MRPS18A: variants seen among roughly 807,000 people sequenced by gnomAD.
MRPS18A encodes large ribosomal subunit protein mL66.
A neutral mutation model predicts 22.7 loss-of-function variants in MRPS18A; 20 were observed. The ratio of observed to expected loss-of-function variants is 0.88; its 90% confidence interval spans 0.62 to 1.28. The LOEUF is 1.28. Among genes scored for constraint, MRPS18A ranks in the 50% most tolerant of loss-of-function variants. The pLI is 0.00. For missense variants in MRPS18A, 294 were observed against 262.6 expected (o/e 1.12, Z -0.83); for synonymous variants, 106 against 99.1 (o/e 1.07, Z -0.41).
At chr6:43,679,317 A>G (rs987007066) in intron 2 of MRPS18A, among the ~76,000 whole-genome samples, 9 of 152,238 alleles carry the variant, frequency 5.9e-5, no homozygotes, top group Admixed American at 4.6e-4. Context: ...TGCCAGGAAT[A>G]GCAAGGCTGA....
At chr6:43,683,447 G>T (rs1176419553) in intron 1 of MRPS18A, among the ~76,000 whole-genome samples, 2 of 152,128 alleles carry the variant, frequency 1.3e-5, no homozygotes, top group Admixed American at 6.6e-5. Context: ...AAATAGTATT[G>T]ATTTACAGGG....
intron 4 of MRPS18A, 55 bp downstream of exon 4, chr6:43,675,439 G>A: frequency 1.2e-6 from 2 of 1,613,740 alleles, no homozygotes; most frequent in Non-Finnish European, 8.5e-7. Flanking sequence ...GGGCAGCTGG[G>A]TGGGGAGAGA....
At position 43,675,298 on chromosome 6, in the gene MRPS18A, C is replaced by CT. The variant is rs567137815; in HGVS notation, c.377-28dup. 4.6e-5 allele frequency: 71 copies of CT among 1,544,156 alleles called. No individual in the cohort carries two copies. In the Middle Eastern group the frequency reaches 2.1e-3, roughly 46 times the overall value. ...TGAGTGGCGGGGAAGAGGGGATAGT[C>CT]TTTGCAGCTCCCTCTGCAGCTCTGA... On this transcript the variant is annotated intron_variant, in intron 4 of 5. Coordinates refer to ENST00000372133, the MANE Select transcript of MRPS18A (RefSeq NM_018135.4).
intron 5 of MRPS18A, 89 bp from the exon 6 acceptor site, chr6:43,671,995 C>CA: frequency 7.2e-7 from 1 of 1,397,348 alleles, no homozygotes. Context: ...CAGGCCAGGC[C>CA]ACGGTTGGGC....
intron 1 of MRPS18A, among the ~76,000 whole-genome samples, chr6:43,684,476 A>G (rs1263883595): frequency 2.6e-5 from 4 of 152,154 alleles, no homozygotes; most frequent in African/African-American, 7.2e-5. Flanking sequence ...CCTCCAGTTC[A>G]TCTTTAACTC....
chr6:43,675,727 C>T, intron 3 of MRPS18A, 110 bp from the exon 4 acceptor site: 1 of 1,285,424 alleles, frequency 7.8e-7, no homozygotes, highest in Non-Finnish European at 1.1e-6. Context: ...GGGAACCTAG[C>T]TGAGATCACT....
At chr6:43,685,288 C>T (rs1454352510) in intron 1 of MRPS18A, among the ~76,000 whole-genome samples, 2 of 152,188 alleles carry the variant, frequency 1.3e-5, no homozygotes, top group African/African-American at 4.8e-5. Flanking sequence ...TTTCTATTTT[C>T]GTCCTCCTTC....
At position 43,673,767 on chromosome 6, in the gene MRPS18A, A is replaced by G. The variant is rs963676376; in HGVS notation, c.446+1435T>C. Among the ~76,000 whole-genome samples, 15 of 152,132 alleles carry G rather than the reference A, an allele frequency of 9.9e-5. No individual in the cohort carries two copies. Among genetic ancestry groups the G allele is most frequent in the Admixed American group, 9.2e-4 (14 of 15,284 alleles). On this transcript the variant is annotated intron_variant, in intron 5 of 5. Transcript: ENST00000372133. The surrounding 1 kb of genome is among the most constrained non-coding windows in gnomAD (Gnocchi z 4.2). ...CTGGGCCCATGCATGGCAGCATTAA[A>G]CGAGACTCCCCTGCAAGGGAATCCA...
chr6:43,676,910 A>G (rs1774085772), intron 3 of MRPS18A, among the ~76,000 whole-genome samples: 1 of 152,198 alleles, frequency 6.6e-6, no homozygotes, highest in Non-Finnish European at 1.5e-5. Context: ...GGATTAATCC[A>G]GGGCTAATCA....
chr6:43,682,249 T>C (rs1389874232), intron 1 of MRPS18A, among the ~76,000 whole-genome samples: 1 of 152,142 alleles, frequency 6.6e-6, no homozygotes, highest in Non-Finnish European at 1.5e-5. Flanking sequence ...CAGCGAGCCA[T>C]GATCATGCCA....
Position 43,675,606 on chromosome 6 carries a change from C to T in MRPS18A, c.264G>A (p.Leu88=), listed in dbSNP as rs1774008259. Reference sequence around the variant, plus strand: ...CATGAGGCCGGATGAACTGGCTAAGCAGCAGAACATCCTAGTGGAAACCGA... The same window carrying T: ...CATGAGGCCGGATGAACTGGCTAAGTAGCAGAACATCCTAGTGGAAACCGA... ...KHKYNYDDVL[L]LSQFIRPHGG... The change falls in exon 4 of 6, where the codon CTG becomes CTA. Residue 88 remains leucine (L), a synonymous_variant. Coordinates refer to ENST00000372133, the MANE Select transcript of MRPS18A (RefSeq NM_018135.4). 2.5e-6 allele frequency: 4 copies of T among 1,611,416 alleles called. No individual in the cohort carries two copies. Among genetic ancestry groups the T allele is most frequent in the African/African-American group, 1.3e-5 (1 of 74,896 alleles).
chr6:43,687,279 T>G (rs1774760084), intron 1 of MRPS18A, among the ~76,000 whole-genome samples: 1 of 152,194 alleles, frequency 6.6e-6, no homozygotes, highest in South Asian at 2.1e-4. Flanking sequence ...AGGGAGGCTC[T>G]GGGAGGGTAC....
chr6:43,681,168 C>T (rs73736103), intron 1 of MRPS18A, 48 bp from the exon 2 acceptor site: 2 of 1,580,164 alleles, frequency 1.3e-6, no homozygotes, highest in Non-Finnish European at 1.7e-6. Flanking sequence ...TAATAAGGAA[C>T]AGAGAGTTTC....
chr6:43,682,471 T>C (rs1774473764), intron 1 of MRPS18A, among the ~76,000 whole-genome samples: 1 of 152,134 alleles, frequency 6.6e-6, no homozygotes, highest in African/African-American at 2.4e-5. Flanking sequence ...GGCAACCCAT[T>C]CATAAAGACT....
At position 43,687,708 on chromosome 6, in the gene MRPS18A, C is replaced by T. The variant is rs776615922; in HGVS notation, c.72G>A (p.Ala24=). 9 of 1,585,294 alleles carry T rather than the reference C, an allele frequency of 5.7e-6. No individual in the cohort carries two copies. Among genetic ancestry groups the T allele is most frequent in the South Asian group, 4.6e-5 (4 of 87,060 alleles). The change falls in exon 1 of 6, where the codon GCG becomes GCA. Residue 24 remains alanine, a synonymous_variant. Coordinates refer to ENST00000372133, the MANE Select transcript of MRPS18A (RefSeq NM_018135.4). ...LLRGLLAGPA[A]TSWSRLPARG... is the part of the protein sequence containing the mutation. ...GAGCTGGAAGCCGAGACCAGCTGGT[C>T]GCTGCCGGGCCCGCTAGTAGCCCAC...
Position 43,678,607 on chromosome 6 carries a change from C to T in MRPS18A, c.163G>A (p.Ala55Thr). ...GGATTTGGACTCTCCTTGGGAGTCGCTGTGATACGGCCTTCAATCTAGGAG... is the reference window on the plus strand; with the variant it reads ...GGATTTGGACTCTCCTTGGGAGTCGTTGTGATACGGCCTTCAATCTAGGAG... ...KTTIIEGRIT[A>T]TPKESPNPPN... Residue 55 changes from alanine to threonine, a missense_variant, in exon 3 of 6, where the codon GCG becomes ACG. By Grantham distance (58) the Ala-to-Thr change is moderately conservative. Coordinates refer to ENST00000372133, the MANE Select transcript of MRPS18A (RefSeq NM_018135.4). 1 of 1,613,518 alleles carries T rather than the reference C, an allele frequency of 6.2e-7. No individual in the cohort carries two copies. The highest frequency in any genetic ancestry group is 8.5e-7 in the Non-Finnish European group (1 of 1,179,536).
chr6:43,678,096 G>A (rs3778492), intron 3 of MRPS18A, among the ~76,000 whole-genome samples: 40,477 of 151,878 alleles, frequency 0.27, 9,962 homozygotes, highest in African/African-American at 0.65. Flanking sequence ...TCTGAGGCAC[G>A]ACCAGACCAC....
Position 43,673,489 on chromosome 6 carries a change from G to A in MRPS18A, c.447-1583C>T, listed in dbSNP as rs555634019. Reference sequence around the variant, plus strand: ...TCTCCAGAGCTACTGCCCTAAAGCTGTTCTTTCTCCCATGCCTTGGAGAGG... The same window carrying A: ...TCTCCAGAGCTACTGCCCTAAAGCTATTCTTTCTCCCATGCCTTGGAGAGG... On this transcript the variant is annotated intron_variant, in intron 5 of 5. Coordinates refer to ENST00000372133, the MANE Select transcript of MRPS18A (RefSeq NM_018135.4). The surrounding 1 kb of genome is among the most constrained non-coding windows in gnomAD (Gnocchi z 4.2). 6.6e-6 allele frequency among the ~76,000 whole-genome samples: 1 copy of A among 152,224 alleles called. No individual in the cohort carries two copies. The highest frequency in any genetic ancestry group is 6.5e-5 in the Admixed American group (1 of 15,274).
At chr6:43,678,001 T>C (rs1774155390) in intron 3 of MRPS18A, among the ~76,000 whole-genome samples, 1 of 151,986 alleles carries the variant, frequency 6.6e-6, no homozygotes, top group South Asian at 2.1e-4. Flanking sequence ...TACACCCTCA[T>C]CATAAAAGAG....
Sources: gnomAD v4.1 joint callset for allele counts (sites outside exome capture counted in the v4.1 genomes callset) on GRCh38, gnomAD v4.1.1 for gene constraint, Gnocchi (gnomAD v3.1) non-coding constraint, MANE v1.5 for transcripts, NCBI Gene and HGNC (gene_info 2026-07-23, HGNC 2026-07-21) for gene names.